The following TRABD2A variants were observed in gnomAD, a reference collection of about 807,000 sequenced individuals.
TRABD2A encodes the protein TraB domain containing 2A.
A neutral mutation model predicts 45.6 loss-of-function variants in TRABD2A; 43 were observed. That is an observed-to-expected ratio of 0.94 (90% confidence interval 0.74 to 1.22). The LOEUF is 1.22. Among genes scored for constraint, TRABD2A ranks in the 50% most tolerant of loss-of-function variants. The pLI, the probability that TRABD2A is intolerant of heterozygous loss-of-function variation, is 0.00. For missense variants in TRABD2A, 642 were observed against 652.4 expected (o/e 0.98, Z 0.17); for synonymous variants, 269 against 265.0 (o/e 1.02, Z -0.15).
chr2:84,853,003 C>A (rs952772885), intron 2 of TRABD2A, among the ~76,000 whole-genome samples: 1 of 151,906 alleles, frequency 6.6e-6, no homozygotes, highest in African/African-American at 2.4e-5. Context: ...AATTTTTCCC[C>A]CCACCCAAAA....
chr2:84,836,135 A>T (rs1681499941), intron 4 of TRABD2A: 1 of 152,230 alleles, frequency 6.6e-6, no homozygotes, highest in South Asian at 2.1e-4. Flanking sequence ...AAAGCATCAG[A>T]CCCAGACTCA....
intron 2 of TRABD2A, among the ~76,000 whole-genome samples, chr2:84,863,330 C>A (rs1682563079): frequency 6.9e-6 from 1 of 145,354 alleles, no homozygotes; most frequent in Non-Finnish European, 1.5e-5. Flanking sequence ...CTGCAAGCTC[C>A]GCCTCCTGGG....
chr2:84,880,915 C>A lies in TRABD2A; in HGVS notation c.108+17G>T. ...GTGCAGAGAGGCCGGCTCTCCAGCACCCGACGCGCGCCTTACTTGGGGCTT... is the reference window on the plus strand; with the variant it reads ...GTGCAGAGAGGCCGGCTCTCCAGCAACCGACGCGCGCCTTACTTGGGGCTT... On this transcript the variant is annotated intron_variant, in intron 1 of 6. Coordinates refer to ENST00000409520, the MANE Select transcript of TRABD2A (RefSeq NM_001277053.2). The A allele has an allele frequency of 6.3e-7, 1 of 1,576,924 alleles. No individual in the cohort carries two copies. The highest frequency in any genetic ancestry group is 2.3e-5 in the East Asian group (1 of 42,988).
At chr2:84,834,004 C>T (rs1681422268) in intron 4 of TRABD2A, 1 of 152,500 alleles carries the variant, frequency 6.6e-6, no homozygotes, top group Non-Finnish European at 1.5e-5. Flanking sequence ...CCCCATTACC[C>T]CTGCCACGGG....
intron 2 of TRABD2A, among the ~76,000 whole-genome samples, chr2:84,869,703 G>A (rs555998811): frequency 6.6e-6 from 1 of 152,314 alleles, no homozygotes; most frequent in Non-Finnish European, 1.5e-5. Flanking sequence ...GTATGGGCCA[G>A]GCACAGTGGC....
intron 2 of TRABD2A, among the ~76,000 whole-genome samples, chr2:84,850,515 C>T (rs772090073): frequency 1.3e-5 from 2 of 151,922 alleles, no homozygotes; most frequent in African/African-American, 2.4e-5. Flanking sequence ...AGGGCAGTAG[C>T]GGGTAATGCA....
chr2:84,847,067 G>A (rs372794347), intron 2 of TRABD2A, among the ~76,000 whole-genome samples: 1 of 152,204 alleles, frequency 6.6e-6, no homozygotes, highest in East Asian at 1.9e-4. Flanking sequence ...TGAACCTTTG[G>A]TCAGGCCATG....
intron 6 of TRABD2A, among the ~76,000 whole-genome samples, chr2:84,822,945 G>A (rs1022234425): frequency 1.8e-4 from 28 of 152,012 alleles, no homozygotes; most frequent in African/African-American, 4.8e-4. Flanking sequence ...CTTCTTTAAC[G>A]CAATCGTTCC....
rs752929545 is a variant in TRABD2A at position 84,881,028 on chromosome 2, C to T, written c.12G>A (p.Trp4Ter). ...AGAGGGTCTGCAGCAGGAACCAGCT[C>T]CAGGGACTCATCCTCCTCAAGGCGG... MSP[W>*]SWFLLQTLCL... Residue 4 changes from tryptophan (W) to a stop codon, truncating the protein, a stop_gained, in exon 1 of 7, where the codon TGG becomes TGA. Coordinates refer to ENST00000409520, the MANE Select transcript of TRABD2A (RefSeq NM_001277053.2). LOFTEE classifies it high-confidence loss of function. 6.2e-7 allele frequency: 1 copy of T among 1,603,986 alleles called. No homozygotes were observed. The highest frequency in any genetic ancestry group is 1.3e-5 in the African/African-American group (1 of 74,810).
At chr2:84,861,185 G>C (rs76541252) in intron 2 of TRABD2A, among the ~76,000 whole-genome samples, 28,321 of 152,144 alleles carry the variant, frequency 0.19, 3,357 homozygotes, top group African/African-American at 0.34. Context: ...TTTCCACAGA[G>C]CAGGTGAGGG....
In TRABD2A at chr2:84,859,949, T is replaced by TG. The variant is rs149173736; in HGVS notation, c.669+10275dup. On this transcript the variant is annotated intron_variant, in intron 2 of 6. Coordinates refer to ENST00000409520, the MANE Select transcript of TRABD2A (RefSeq NM_001277053.2). ...CGGTCTCATTTATTTTTTGGAGAGA[T>TG]GGGGGGGGGTCTCACTATGTTGTCC... Among the ~76,000 whole-genome samples, 1,162 of 149,896 alleles carry TG rather than the reference T, an allele frequency of 7.8e-3. 11 individuals carry two copies. The highest frequency in any genetic ancestry group is 0.023 in the South Asian group (107 of 4,676).
Position 84,870,736 on chromosome 2 carries a change from G to T in TRABD2A, c.158C>A (p.Ser53Tyr), listed in dbSNP as rs564057599. 2 of 1,600,310 alleles carry T rather than the reference G, an allele frequency of 1.2e-6. No homozygotes were observed. Among genetic ancestry groups the T allele is most frequent in the South Asian group, 2.3e-5 (2 of 88,412 alleles). Residue 53 changes from serine (S) to tyrosine (Y), a missense_variant, in exon 2 of 7, where the codon TCT (serine) becomes TAT (tyrosine). By Grantham distance (144) the Ser-to-Tyr change is moderately radical. Coordinates refer to ENST00000409520, the MANE Select transcript of TRABD2A (RefSeq NM_001277053.2). ...FLWTIKRDPPSYFFGTIHVPY... is the reference protein window; with the variant it reads ...FLWTIKRDPPYYFFGTIHVPY... ...GACATGGATTGTGCCAAAGAAGTAA[G>T]ATGGTGGGTCTCGCTTAATGGTCCA...
In TRABD2A at chr2:84,824,169, A is replaced by G. The variant is rs761279625; in HGVS notation, c.1118T>C (p.Leu373Pro). The change falls in exon 6 of 7, where the codon CTG becomes CCG. Residue 373 changes from leucine to proline, a missense_variant. Coordinates refer to ENST00000409520, the MANE Select transcript of TRABD2A (RefSeq NM_001277053.2). ...KSKKTSTRPT[L>P]STIFAPKVPT... ...GACTTTTGGAGCAAAGATGGTGGACAGAGTGGGCCGTGTGGAGGTCTTTTT... is the reference window on the plus strand; with the variant it reads ...GACTTTTGGAGCAAAGATGGTGGACGGAGTGGGCCGTGTGGAGGTCTTTTT... 2.5e-6 allele frequency: 4 copies of G among 1,614,022 alleles called. No homozygotes were observed. The South Asian group carries it at 4.4e-5, about 18-fold the overall frequency.
chr2:84,831,091 T>C (rs540597896), intron 5 of TRABD2A, among the ~76,000 whole-genome samples: 1 of 152,154 alleles, frequency 6.6e-6, no homozygotes, highest in African/African-American at 2.4e-5. Context: ...ATGTGACCAT[T>C]TGGAGTTAGG....
At chr2:84,842,395 G>A (rs947899819) in intron 2 of TRABD2A, among the ~76,000 whole-genome samples, 4 of 152,186 alleles carry the variant, frequency 2.6e-5, no homozygotes, top group African/African-American at 9.7e-5. Context: ...AAAGGACTGG[G>A]CAGAAACCAG....
chr2:84,862,233 C>G (rs1247079938), intron 2 of TRABD2A, among the ~76,000 whole-genome samples: 1 of 152,236 alleles, frequency 6.6e-6, no homozygotes, highest in Admixed American at 6.5e-5. Context: ...GGGGTAGACT[C>G]TGCCTCAACT....
intron 1 of TRABD2A, among the ~76,000 whole-genome samples, chr2:84,873,722 T>A (rs114212370): frequency 0.026 from 3,909 of 152,354 alleles, 82 homozygotes; most frequent in South Asian, 0.056. Flanking sequence ...TGGTTAATTG[T>A]AAACAGGTAA....
intron 2 of TRABD2A, among the ~76,000 whole-genome samples, chr2:84,848,650 A>G (rs901974354): frequency 9.9e-5 from 15 of 151,460 alleles, no homozygotes; most frequent in Admixed American, 9.2e-4. Context: ...GTCTCGGCTC[A>G]CTGAAACCTC....
chr2:84,847,060 A>G (rs1681921850), intron 2 of TRABD2A, among the ~76,000 whole-genome samples: 1 of 152,124 alleles, frequency 6.6e-6, no homozygotes, highest in African/African-American at 2.4e-5. Flanking sequence ...CTTGGAGTGA[A>G]CCTTTGGTCA....
Sources: allele counts gnomAD v4.1 joint callset (sites outside exome capture counted in the v4.1 genomes callset), GRCh38; gene constraint gnomAD v4.1.1; transcripts MANE v1.5; gene names NCBI Gene and HGNC (gene_info 2026-07-23, HGNC 2026-07-21).